The following RORA variants were observed in gnomAD, a reference collection of about 807,000 sequenced individuals.
RORA encodes the protein nuclear receptor ROR-alpha.
Under a neutral mutation model 69.5 loss-of-function variants are expected in RORA, and 7 were observed. That is an observed-to-expected ratio of 0.10 (90% CI 0.06 to 0.19). RORA has a LOEUF of 0.19. RORA is among the 10% of genes least tolerant of loss of function. RORA has a pLI of 1.00. For synonymous variants in RORA, 261 were observed against 240.8 expected (o/e 1.08, Z -0.78); for missense variants, 457 against 663.0 (o/e 0.69, Z 3.41).
intron 1 of RORA, among the ~76,000 whole-genome samples, chr15:61,058,822 C>T (rs755588129): frequency 3.9e-5 from 6 of 152,150 alleles, no homozygotes; most frequent in African/African-American, 7.2e-5. Context: ...TCTATGTTAT[C>T]GGCCTTTCTA....
At chr15:61,011,934 C>T (rs1185327003) in intron 1 of RORA, among the ~76,000 whole-genome samples, 1 of 152,246 alleles carries the variant, frequency 6.6e-6, no homozygotes, top group African/African-American at 2.4e-5. Flanking sequence ...CCTCAATTTA[C>T]ATCTCTATCA....
intron 6 of RORA, 110 bp from the exon 7 acceptor site, chr15:60,503,777 G>T (rs368747966): frequency 7.9e-7 from 1 of 1,273,330 alleles, no homozygotes; most frequent in Non-Finnish European, 1.1e-6. Flanking sequence ...CCTGGGCCAC[G>T]AAGAGTGGCA....
At chr15:60,746,858 C>T (rs2071655644) in intron 1 of RORA, among the ~76,000 whole-genome samples, 1 of 152,184 alleles carries the variant, frequency 6.6e-6, no homozygotes, top group Admixed American at 6.5e-5. Flanking sequence ...TGTAGGTTGC[C>T]TGCCTTAGTT....
chr15:61,122,901 ACAT>A (rs1311320617), intron 1 of RORA, among the ~76,000 whole-genome samples: 32 of 152,348 alleles, frequency 2.1e-4, no homozygotes, highest in African/African-American at 7.7e-4. Flanking sequence ...AGCTTCAGGC[ACAT>A]GCTGTACTGA....
chr15:60,735,233 T>C (rs2071481755), intron 1 of RORA, among the ~76,000 whole-genome samples: 1 of 152,210 alleles, frequency 6.6e-6, no homozygotes, highest in Non-Finnish European at 1.5e-5. Flanking sequence ...ACAGAAAGAT[T>C]TGTTGCTTAT....
At chr15:61,148,950 G>A (rs2079374445) in intron 1 of RORA, among the ~76,000 whole-genome samples, 1 of 152,214 alleles carries the variant, frequency 6.6e-6, no homozygotes, top group African/African-American at 2.4e-5. Context: ...TCTACGGATA[G>A]ACCCATGATG....
chr15:60,608,616 T>A (rs2069007527), intron 2 of RORA, among the ~76,000 whole-genome samples: 1 of 152,338 alleles, frequency 6.6e-6, no homozygotes, highest in Non-Finnish European at 1.5e-5. Context: ...AAACACAGGT[T>A]GGCAAGTGTA....
chr15:60,539,175 A>G lies in RORA; in HGVS notation c.197-7324T>C, dbSNP rs1384864569. 4.6e-5 allele frequency among the ~76,000 whole-genome samples: 7 copies of G among 152,352 alleles called. No individual in the cohort carries two copies. In the South Asian group the frequency reaches 1.4e-3, roughly 32 times the overall value. On this transcript the variant is annotated intron_variant, in intron 2 of 10. Transcript: ENST00000335670. ...TACTGCGCCAGAATGTCCCATCTGAATTAAGAGAAAGCTGAGCTGTGTGTG... is the reference window on the plus strand; with the variant it reads ...TACTGCGCCAGAATGTCCCATCTGAGTTAAGAGAAAGCTGAGCTGTGTGTG...
intron 1 of RORA, among the ~76,000 whole-genome samples, chr15:61,140,106 C>T (rs1037044095): frequency 1.3e-5 from 2 of 152,094 alleles, no homozygotes; most frequent in African/African-American, 2.4e-5. Flanking sequence ...ACTTATTTTT[C>T]GAGAGAGAAA....
At chr15:60,631,169 G>A (rs1005900958) in intron 2 of RORA, among the ~76,000 whole-genome samples, 2 of 152,176 alleles carry the variant, frequency 1.3e-5, no homozygotes, top group Non-Finnish European at 2.9e-5. Context: ...GATTACAGGC[G>A]TGAGCCATTG....
At chr15:60,521,637 T>G (rs112936765) in intron 3 of RORA, among the ~76,000 whole-genome samples, 3,081 of 152,308 alleles carry the variant, frequency 0.02, 106 homozygotes, top group African/African-American at 0.07. Flanking sequence ...GTTTTCTGAT[T>G]TGCCAAAAAC....
intron 2 of RORA, among the ~76,000 whole-genome samples, chr15:60,607,121 A>C (rs2068964088): frequency 6.6e-6 from 1 of 152,210 alleles, no homozygotes; most frequent in Non-Finnish European, 1.5e-5. Context: ...GAGATTTAAA[A>C]AATGATAAAA....
In RORA at chr15:60,490,358, T is replaced by C. The variant is rs1376837882; in HGVS notation, c.*7097A>G. The stretch of plus-strand genomic sequence containing the variant: ...GCTATGTCTAAAATAGATTATATAG[T>C]AAAACCGGTATTATACAGCATATTG... On this transcript the variant is annotated 3_prime_UTR_variant, in exon 11 of 11. Coordinates refer to ENST00000335670, the MANE Select transcript of RORA (RefSeq NM_134261.3). The surrounding 1 kb of genome is among the most constrained non-coding windows in gnomAD (Gnocchi z 4.1). 6.6e-6 allele frequency: 1 copy of C among 152,132 alleles called. No individual in the cohort carries two copies. Among genetic ancestry groups the C allele is most frequent in the African/African-American group, 2.4e-5 (1 of 41,446 alleles). 9.4% of individuals were successfully genotyped at this position (152,132 alleles called of 1,614,324 possible).
chr15:60,802,632 G>A (rs2072601376), intron 1 of RORA, among the ~76,000 whole-genome samples: 1 of 152,172 alleles, frequency 6.6e-6, no homozygotes, highest in Non-Finnish European at 1.5e-5. Flanking sequence ...TGGGGTGTAT[G>A]TGTGTATGTG....
intron 5 of RORA, among the ~76,000 whole-genome samples, chr15:60,508,308 A>C (rs1271809969): frequency 6.6e-6 from 1 of 152,220 alleles, no homozygotes; most frequent in Non-Finnish European, 1.5e-5. Context: ...CAATACAGCC[A>C]GCGCCTCGAT....
chr15:60,706,010 A>T (rs1332013492), intron 1 of RORA, among the ~76,000 whole-genome samples: 3 of 152,186 alleles, frequency 2.0e-5, no homozygotes, highest in Non-Finnish European at 2.9e-5. Context: ...GTCTCAGGTG[A>T]GGAAATGGAG....
chr15:61,004,757 A>C (rs1451182001), intron 1 of RORA, among the ~76,000 whole-genome samples: 1 of 152,234 alleles, frequency 6.6e-6, no homozygotes, highest in East Asian at 1.9e-4. Flanking sequence ...ACACCTGCAA[A>C]CGTTGCCACG....
rs143589255 is a variant in RORA, at chr15:60,893,070, C to T, written c.167-214384G>A. On this transcript the variant is annotated intron_variant, in intron 1 of 10. Coordinates refer to ENST00000335670, the MANE Select transcript of RORA (RefSeq NM_134261.3). ...TGCAAAGGGTCATCTAACCTTTAAA[C>T]TTCAGTCCAGCAAAGCAGGCTGAAG... 8.8e-3 allele frequency among the ~76,000 whole-genome samples: 1,337 copies of T among 152,324 alleles called. 9 individuals carry two copies. Among genetic ancestry groups the T allele is most frequent in the Middle Eastern group, 0.014 (4 of 294 alleles).
intron 1 of RORA, among the ~76,000 whole-genome samples, chr15:60,994,013 G>A (rs1041083191): frequency 5.9e-5 from 9 of 152,254 alleles, no homozygotes; most frequent in African/African-American, 1.9e-4. Flanking sequence ...CCCTCATCTG[G>A]TATAAATGCA....
Sources: gnomAD v4.1 joint callset for allele counts (sites outside exome capture counted in the v4.1 genomes callset) on GRCh38, gnomAD v4.1.1 for gene constraint, Gnocchi (gnomAD v3.1) non-coding constraint, MANE v1.5 for transcripts, NCBI Gene and HGNC (gene_info 2026-07-23, HGNC 2026-07-21) for gene names.